Variants in HMGA2 observed in about 807,000 individuals in gnomAD.
The protein encoded by HMGA2 is high mobility group AT-hook 2, also known as high mobility group protein HMGI-C.
In HMGA2, 8 loss-of-function variants were observed where a neutral mutation model predicts 19.1. That is an observed-to-expected ratio of 0.42 (90% CI 0.25 to 0.76). HMGA2 has a LOEUF of 0.76. HMGA2 is among the 30% of genes least tolerant of loss of function. HMGA2 has a pLI of 0.28. For missense variants in HMGA2, 109 were observed against 136.3 expected, an observed-to-expected ratio of 0.80 and a Z score of 1.00; for synonymous variants, 60 against 48.8, an observed-to-expected ratio of 1.23 and a Z score of -0.96.
intron 4 of HMGA2, among the ~76,000 whole-genome samples, chr12:65,961,790 T>C (rs1045498646): frequency 6.6e-6 from 1 of 152,158 alleles, no homozygotes; most frequent in African/African-American, 2.4e-5. Context: ...TGTGAATGTG[T>C]GAGTGCCCAT....
At chr12:65,897,299 TG>T (rs1041412479) in intron 3 of HMGA2, among the ~76,000 whole-genome samples, 1 of 152,220 alleles carries the variant, frequency 6.6e-6, no homozygotes, top group Non-Finnish European at 1.5e-5. Flanking sequence ...AGTCACCCTG[TG>T]GCATAACACT....
intron 3 of HMGA2, among the ~76,000 whole-genome samples, chr12:65,846,633 G>T (rs905551314): frequency 3.0e-4 from 45 of 152,220 alleles, no homozygotes; most frequent in African/African-American, 4.8e-4. Context: ...CACTTTTTTT[G>T]TTGTTGTTGT....
intron 4 of HMGA2, 95 bp from the exon 5 acceptor site, chr12:65,963,147 AATG>A: frequency 9.3e-7 from 1 of 1,080,848 alleles, no homozygotes; most frequent in Non-Finnish European, 1.4e-6. Context: ...AGGCAAGCAT[AATG>A]TGCTGTGGAA....
chr12:65,952,554 C>T (rs1366641137), intron 4 of HMGA2: 5 of 1,380,462 alleles, frequency 3.6e-6, no homozygotes, highest in African/African-American at 1.4e-5. Flanking sequence ...CATTGCTGCT[C>T]CCATACCTAA....
intron 3 of HMGA2, among the ~76,000 whole-genome samples, chr12:65,902,137 C>T (rs1295288644): frequency 1.3e-5 from 2 of 152,022 alleles, no homozygotes; most frequent in African/African-American, 4.8e-5. Context: ...TAAATGTTTG[C>T]TGTAATATGG....
At chr12:65,960,012 C>T (rs1261297226) in intron 4 of HMGA2, among the ~76,000 whole-genome samples, 2 of 152,138 alleles carry the variant, frequency 1.3e-5, no homozygotes, top group African/African-American at 4.8e-5. Context: ...GCCGCAGCCT[C>T]CCAAGTAGCT....
intron 4 of HMGA2, chr12:65,956,898 C>A (rs1036200838): frequency 6.6e-6 from 1 of 152,088 alleles, no homozygotes; most frequent in African/African-American, 2.4e-5. Context: ...CTTGCTGACC[C>A]AAATTAATGT....
At chr12:65,842,289 G>A (rs1462377093) in intron 3 of HMGA2, 4 of 583,222 alleles carry the variant, frequency 6.9e-6, no homozygotes, top group Non-Finnish European at 1.3e-5. Flanking sequence ...GATTAAATGA[G>A]ATAATGCATG....
At chr12:65,916,091 A>G (rs965556441) in intron 3 of HMGA2, among the ~76,000 whole-genome samples, 1 of 152,170 alleles carries the variant, frequency 6.6e-6, no homozygotes, top group Non-Finnish European at 1.5e-5. Context: ...CTTTTATACT[A>G]GGCCCACAAC....
chr12:65,857,603 T>C (rs1871807188), intron 3 of HMGA2: 2 of 152,182 alleles, frequency 1.3e-5, no homozygotes. Flanking sequence ...ATATAATAAT[T>C]TGTGTGTATA....
rs752349495 is a variant in HMGA2, at chr12:65,963,226, T to G, written c.283-19T>G. The stretch of plus-strand genomic sequence containing the variant: ...GTATAACGATTGAGCGTCATGGCTG[T>G]GCCCTTTGTGTGTTCCAGGAGGAAA... On this transcript the variant is annotated intron_variant, in intron 4 of 4. Coordinates refer to ENST00000403681, the MANE Select transcript of HMGA2 (RefSeq NM_003483.6). 6.2e-6 allele frequency: 10 copies of G among 1,612,912 alleles called. No individual in the cohort carries two copies. The Admixed American group carries it at 1.7e-4, about 27-fold the overall frequency.
intron 3 of HMGA2, among the ~76,000 whole-genome samples, chr12:65,926,714 A>T (rs1875517084): frequency 6.6e-6 from 1 of 152,224 alleles, no homozygotes; most frequent in Non-Finnish European, 1.5e-5. Context: ...CAGTCTCATT[A>T]ACCATGAAGA....
In HMGA2 at chr12:65,938,939, C is replaced by G. The variant is rs12424074; in HGVS notation, c.250-12444C>G. ...TCATCCTCCCAAGCAAGTCACTGGG[C>G]CCCCCAAATCTAAGAGTCATGTCCA... On this transcript the variant is annotated intron_variant, in intron 3 of 4. Transcript: ENST00000403681. 4.7e-3 allele frequency among the ~76,000 whole-genome samples: 711 copies of G among 152,210 alleles called. 17 individuals carry two copies. Among genetic ancestry groups the G allele is most frequent in the Admixed American group, 0.044 (671 of 15,280 alleles).
intron 3 of HMGA2, among the ~76,000 whole-genome samples, chr12:65,918,625 T>C (rs755161569): frequency 3.3e-5 from 5 of 152,170 alleles, no homozygotes; most frequent in African/African-American, 1.2e-4. Context: ...GAATGCACTT[T>C]TCTCAAACTT....
chr12:65,862,173 G>C (rs982233619), intron 3 of HMGA2, among the ~76,000 whole-genome samples: 3 of 152,022 alleles, frequency 2.0e-5, no homozygotes, highest in Admixed American at 2.0e-4. Context: ...TGAACAGTAT[G>C]ACTTCAGAGA....
intron 3 of HMGA2, among the ~76,000 whole-genome samples, chr12:65,879,815 C>T (rs1181254528): frequency 6.6e-6 from 1 of 152,060 alleles, no homozygotes; most frequent in African/African-American, 2.4e-5. Context: ...ATGTATATAT[C>T]CTTGGGTGGG....
intron 3 of HMGA2, among the ~76,000 whole-genome samples, chr12:65,911,386 T>C (rs1874838854): frequency 6.6e-6 from 1 of 152,186 alleles, no homozygotes; most frequent in Non-Finnish European, 1.5e-5. Flanking sequence ...GTTGAGAGGA[T>C]CAGCCTTCTA....
At chr12:65,897,496 A>G (rs926732315) in intron 3 of HMGA2, among the ~76,000 whole-genome samples, 1 of 152,220 alleles carries the variant, frequency 6.6e-6, no homozygotes, top group African/African-American at 2.4e-5. Context: ...CTTACTTGCC[A>G]TGCATTTTCT....
At chr12:65,946,484 T>C (rs1004050894) in intron 3 of HMGA2, among the ~76,000 whole-genome samples, 4 of 152,194 alleles carry the variant, frequency 2.6e-5, no homozygotes, top group Admixed American at 6.5e-5. Flanking sequence ...TGCTTTACCA[T>C]ACATTGTGCC....
Sources: gnomAD v4.1 joint callset for allele counts (sites outside exome capture counted in the v4.1 genomes callset) on GRCh38, gnomAD v4.1.1 for gene constraint, MANE v1.5 for transcripts, NCBI Gene and HGNC (gene_info 2026-07-23, HGNC 2026-07-21) for gene names.